Variants in RASAL2 observed in about 807,000 individuals in gnomAD.
RASAL2 encodes RAS protein activator like 2, also known as ras GTPase-activating protein nGAP.
A neutral mutation model predicts 128.9 loss-of-function variants in RASAL2; 58 were observed. That is an observed-to-expected ratio of 0.45 (90% CI 0.36 to 0.56). The LOEUF (loss-of-function observed/expected upper bound fraction) is 0.56, where lower values mean the gene tolerates loss of function less well. RASAL2 is among the 20% of genes least tolerant of loss of function. RASAL2 has a pLI of 0.00. For missense variants in RASAL2, 1,360 were observed against 1,601.6 expected (o/e 0.85, Z 2.57); for synonymous variants, 561 against 580.8 (o/e 0.97, Z 0.49).
chr1:178,170,899 T>G (rs1028427471), intron 1 of RASAL2, among the ~76,000 whole-genome samples: 5 of 151,920 alleles, frequency 3.3e-5, no homozygotes, highest in African/African-American at 1.2e-4. Context: ...ATGATTTCAT[T>G]TCTTCCTTTG....
chr1:178,261,788 G>T (rs187394977), intron 1 of RASAL2, among the ~76,000 whole-genome samples: 2 of 151,786 alleles, frequency 1.3e-5, no homozygotes, highest in East Asian at 1.9e-4. Flanking sequence ...GTGGTGGTGG[G>T]CGCCTGTCAT....
intron 1 of RASAL2, among the ~76,000 whole-genome samples, chr1:178,180,088 A>C (rs1032577651): frequency 6.6e-6 from 1 of 152,188 alleles, no homozygotes. Flanking sequence ...TCTAATCTAC[A>C]GTATAATCCT....
At chr1:178,243,442 A>G (rs1664609184) in intron 1 of RASAL2, among the ~76,000 whole-genome samples, 1 of 151,986 alleles carries the variant, frequency 6.6e-6, no homozygotes, top group Admixed American at 6.6e-5. Flanking sequence ...GTTGTGGTGC[A>G]TCCCCCTTTC....
At chr1:178,184,053 G>A (rs1235567395) in intron 1 of RASAL2, among the ~76,000 whole-genome samples, 1 of 152,138 alleles carries the variant, frequency 6.6e-6, no homozygotes, top group Non-Finnish European at 1.5e-5. Context: ...AATGAAAGAT[G>A]ATGTTGATCA....
intron 3 of RASAL2, among the ~76,000 whole-genome samples, chr1:178,319,117 T>C (rs1330538859): frequency 6.6e-6 from 1 of 152,206 alleles, no homozygotes; most frequent in African/African-American, 2.4e-5. Context: ...TGTTGAATAT[T>C]GGCCCCCACA....
intron 4 of RASAL2, among the ~76,000 whole-genome samples, chr1:178,419,045 T>C (rs1011593546): frequency 6.6e-6 from 1 of 152,142 alleles, no homozygotes; most frequent in African/African-American, 2.4e-5. Context: ...ACCTAGCTTA[T>C]CCTGATAAAT....
intron 4 of RASAL2, among the ~76,000 whole-genome samples, chr1:178,419,895 A>G (rs538098216): frequency 4.9e-4 from 75 of 152,344 alleles, no homozygotes; most frequent in Non-Finnish European, 8.5e-4. Flanking sequence ...TCCACATTCA[A>G]TACTTAATTT....
At chr1:178,410,933 T>C (rs1383245691) in intron 4 of RASAL2, among the ~76,000 whole-genome samples, 3 of 152,144 alleles carry the variant, frequency 2.0e-5, no homozygotes, top group African/African-American at 7.2e-5. Flanking sequence ...GAATGTAAAC[T>C]AGTACAACCA....
intron 1 of RASAL2, among the ~76,000 whole-genome samples, chr1:178,096,857 A>G (rs1571466005): frequency 6.6e-6 from 1 of 152,274 alleles, no homozygotes; most frequent in East Asian, 1.9e-4. Flanking sequence ...TAGTTTATGT[A>G]AATATTTCAG....
intron 1 of RASAL2, among the ~76,000 whole-genome samples, chr1:178,116,671 A>G (rs1294063344): frequency 6.6e-6 from 1 of 152,062 alleles, no homozygotes; most frequent in Non-Finnish European, 1.5e-5. Context: ...GTGCAGTGGC[A>G]CGATCTCGGC....
intron 3 of RASAL2, among the ~76,000 whole-genome samples, chr1:178,367,970 A>G (rs146859300): frequency 2.6e-4 from 40 of 152,300 alleles, no homozygotes; most frequent in African/African-American, 5.8e-4. Context: ...TTTTTTGTAA[A>G]AAAATTTGTA....
At chr1:178,440,324 C>T (rs1676548374) in intron 6 of RASAL2, among the ~76,000 whole-genome samples, 1 of 151,880 alleles carries the variant, frequency 6.6e-6, no homozygotes, top group Admixed American at 6.6e-5. Flanking sequence ...TGTTTGGTTC[C>T]TCTTCTTATG....
chr1:178,187,903 C>T (rs1178559728), intron 1 of RASAL2, among the ~76,000 whole-genome samples: 1 of 152,132 alleles, frequency 6.6e-6, no homozygotes, highest in African/African-American at 2.4e-5. Flanking sequence ...GTGTGAGCCA[C>T]AGCACCTGGC....
At chr1:178,103,418 G>T (rs1343260587) in intron 1 of RASAL2, among the ~76,000 whole-genome samples, 1 of 152,024 alleles carries the variant, frequency 6.6e-6, no homozygotes, top group Non-Finnish European at 1.5e-5. Context: ...TAGGTCAAAG[G>T]TACGTGTATT....
intron 1 of RASAL2, among the ~76,000 whole-genome samples, chr1:178,215,803 G>GA (rs1485031176): frequency 6.6e-6 from 1 of 152,066 alleles, no homozygotes; most frequent in Non-Finnish European, 1.5e-5. Context: ...AATTATCACT[G>GA]AATCAGTGAT....
chr1:178,350,095 A>G (rs1249003350), intron 3 of RASAL2, among the ~76,000 whole-genome samples: 1 of 152,216 alleles, frequency 6.6e-6, no homozygotes, highest in South Asian at 2.1e-4. Context: ...GTTCTTTCAT[A>G]TCACTTGTTT....
In RASAL2 at chr1:178,157,409, C is replaced by T. The variant is rs149132219; in HGVS notation, c.202+62715C>T. On this transcript the variant is annotated intron_variant, in intron 1 of 17. Transcript: ENST00000367649. ...CTACTCAGACTTTCCCCATGCCCTT[C>T]CTTTTCTGTCACACCTCTGCCATTT... Among the ~76,000 whole-genome samples the T allele has an allele frequency of 5.0e-3, 767 of 152,300 alleles. 15 individuals carry two copies. The highest frequency in any genetic ancestry group is 0.018 in the African/African-American group (738 of 41,574).
At chr1:178,245,965 T>A (rs1664749788) in intron 1 of RASAL2, among the ~76,000 whole-genome samples, 1 of 152,214 alleles carries the variant, frequency 6.6e-6, no homozygotes, top group African/African-American at 2.4e-5. Context: ...GTTTGGTTAC[T>A]GTAGCCTTGT....
intron 3 of RASAL2, among the ~76,000 whole-genome samples, chr1:178,312,486 C>T (rs954547455): frequency 3.9e-5 from 6 of 152,138 alleles, no homozygotes; most frequent in Non-Finnish European, 8.8e-5. Flanking sequence ...CATTTTCAGA[C>T]ATGCAAGACT....
Sources: gnomAD v4.1 joint callset for allele counts (sites outside exome capture counted in the v4.1 genomes callset) on GRCh38, gnomAD v4.1.1 for gene constraint, MANE v1.5 for transcripts, NCBI Gene and HGNC (gene_info 2026-07-23, HGNC 2026-07-21) for gene names.